The following CCL25 variants were observed in gnomAD, a reference collection of about 807,000 sequenced individuals.
The protein encoded by CCL25 is C-C motif chemokine 25.
A neutral mutation model predicts 19.9 loss-of-function variants in CCL25; 14 were observed. The ratio of observed to expected loss-of-function variants is 0.70; its 90% CI spans 0.47 to 1.10. CCL25 has a LOEUF of 1.10. CCL25 is among the 50% of genes least tolerant of loss of function. The pLI, the probability that CCL25 is intolerant of heterozygous loss-of-function variation, is 0.00. For missense variants in CCL25, 151 were observed against 181.2 expected (o/e 0.83, Z 0.96); for synonymous variants, 68 against 73.2 (o/e 0.93, Z 0.36).
chr19:8,058,808 G>A (rs1396171641), intron 5 of CCL25, among the ~76,000 whole-genome samples: 9 of 139,586 alleles, frequency 6.4e-5, no homozygotes, highest in African/African-American at 1.8e-4. Context: ...ACAGGCGCCC[G>A]CCACCACGCT....
intron 2 of CCL25, among the ~76,000 whole-genome samples, chr19:8,054,682 C>T (rs2081256547): frequency 1.3e-5 from 2 of 151,934 alleles, no homozygotes; most frequent in Admixed American, 1.3e-4. Flanking sequence ...TGGGCACCCC[C>T]CACAGTGCCT....
At position 8,056,485 on chromosome 19, in the gene CCL25, C is replaced by T. The variant is rs1129763; in HGVS notation, c.311C>T (p.Thr104Met). 218,114 of 1,613,896 alleles carry T rather than the reference C, an allele frequency of 0.14. 15,703 individuals are homozygous for T. Among genetic ancestry groups the T allele is most frequent in the Non-Finnish European group, 0.14 (170,832 of 1,179,904 alleles). ...GTTTTTGCAAAGCTCCACCACAACA[C>T]GCAGACCTTCCAAGGTGGGCAAGAC... is the stretch of plus-strand genomic sequence containing the variant. ...NKVFAKLHHN[T>M]QTFQAGPHAV... is the part of the protein sequence containing the mutation. Residue 104 changes from threonine (T) to methionine (M), a missense_variant, in exon 4 of 6, where the codon ACG (threonine) becomes ATG (methionine). Thr to Met is a moderately conservative substitution (Grantham distance 81). Transcript: ENST00000315626.
At chr19:8,059,656 T>C (rs1283010116) in intron 5 of CCL25, among the ~76,000 whole-genome samples, 1 of 152,144 alleles carries the variant, frequency 6.6e-6, no homozygotes, top group Non-Finnish European at 1.5e-5. Flanking sequence ...GTTGGATCAT[T>C]CGATAGAACA....
chr19:8,053,188 G>A, intron 2 of CCL25, 66 bp downstream of exon 2: 2 of 1,008,254 alleles, frequency 2.0e-6, no homozygotes, highest in South Asian at 1.7e-5. Flanking sequence ...CACCCCTTTT[G>A]TCTCTTATCT....
chr19:8,054,203 G>A (rs1460875618), intron 2 of CCL25, among the ~76,000 whole-genome samples: 1 of 152,212 alleles, frequency 6.6e-6, no homozygotes, highest in East Asian at 1.9e-4. Flanking sequence ...CTCCTTCCCT[G>A]TCTGCCCCCA....
chr19:8,060,957 G>A (rs909792725), intron 5 of CCL25, among the ~76,000 whole-genome samples: 2 of 150,776 alleles, frequency 1.3e-5, no homozygotes, highest in African/African-American at 2.4e-5. Flanking sequence ...TGGGATTACA[G>A]GTGTGAGCCA....
At chr19:8,053,971 G>A (rs1247295908) in intron 2 of CCL25, among the ~76,000 whole-genome samples, 2 of 152,194 alleles carry the variant, frequency 1.3e-5, no homozygotes, top group Non-Finnish European at 2.9e-5. Context: ...CCTCATGTCT[G>A]GCGGCGGCAA....
At chr19:8,056,098 C>T in intron 2 of CCL25, 54 bp from the exon 3 acceptor site, 1 of 1,248,610 alleles carries the variant, frequency 8.0e-7, no homozygotes, top group Non-Finnish European at 1.1e-6. Flanking sequence ...TGTGGCTGGC[C>T]CTGCCAAGTT....
intron 4 of CCL25, among the ~76,000 whole-genome samples, chr19:8,057,139 G>C (rs944223854): frequency 2.2e-5 from 2 of 91,860 alleles, no homozygotes; most frequent in Admixed American, 2.5e-4. Context: ...TCCCGCCTCA[G>C]CCCCCTAAGT....
At chr19:8,056,545 C>T (rs750049368) in intron 4 of CCL25, 46 bp downstream of exon 4, 5 of 1,608,106 alleles carry the variant, frequency 3.1e-6, no homozygotes, top group Non-Finnish European at 4.3e-6. Flanking sequence ...GCCCTCCCTG[C>T]CTGCAAGCCC....
intron 2 of CCL25, 59 bp downstream of exon 2, chr19:8,053,181 C>G (rs1422315765): frequency 5.4e-6 from 6 of 1,108,094 alleles, no homozygotes; most frequent in Non-Finnish European, 7.7e-6. Context: ...CCCACCCCAC[C>G]CCTTTTGTCT....
chr19:8,057,794 T>A lies in CCL25; in HGVS notation c.326-7T>A, dbSNP rs1316112833. ...GCTCTTGCTTATTTCTCTCTCCATT[T>A]CTCCAGCAGGCCCTCATGCTGTAAA... On this transcript the variant is annotated splice_polypyrimidine_tract_variant and splice_region_variant and intron_variant, in intron 4 of 5. Coordinates refer to ENST00000315626, the MANE Select transcript of CCL25 (RefSeq NM_005624.4). The A allele has an allele frequency of 3.1e-6, 5 of 1,610,996 alleles. No individual in the cohort carries two copies. The highest frequency in any genetic ancestry group is 3.3e-4 in the Middle Eastern group (2 of 6,042).
chr19:8,062,540 T>C lies in CCL25; in HGVS notation c.*315T>C, dbSNP rs1482370994. The C allele has an allele frequency of 4.9e-6, 2 of 406,890 alleles. No individual in the cohort carries two copies. The highest frequency in any genetic ancestry group is 3.7e-5 in the South Asian group (1 of 27,136). The allele number at this position is 406,890 out of a possible 1,614,324, so 25.2% of individuals were successfully genotyped here. ...GTTTCTTGCCGTCCACCCCGGGCCA[T>C]GCCAGTGTGTCCCTCTGGGTCCCTC... On this transcript the variant is annotated 3_prime_UTR_variant, in exon 6 of 6. Coordinates refer to ENST00000315626, the MANE Select transcript of CCL25 (RefSeq NM_005624.4).
chr19:8,053,741 G>A (rs2081249394), intron 2 of CCL25, among the ~76,000 whole-genome samples: 2 of 151,790 alleles, frequency 1.3e-5, no homozygotes, highest in Admixed American at 6.6e-5. Context: ...TAGAGATGGG[G>A]TTTCACTATG....
At chr19:8,060,981 A>ACTT in intron 5 of CCL25, among the ~76,000 whole-genome samples, 1 of 85,600 alleles carries the variant, frequency 1.2e-5, no homozygotes, top group Non-Finnish European at 2.5e-5. Context: ...TGCCCGGCCT[A>ACTT]ATTTTTTTTT....
chr19:8,053,333 A>T lies in CCL25; in HGVS notation c.73+211A>T, dbSNP rs543155153. Among the ~76,000 whole-genome samples, 402 of 152,162 alleles carry T rather than the reference A, an allele frequency of 2.6e-3. 1 individual carries two copies. Among genetic ancestry groups the T allele is most frequent in the African/African-American group, 9.3e-3 (387 of 41,500 alleles). On this transcript the variant is annotated intron_variant, in intron 2 of 5. Transcript: ENST00000315626. ...CCCCAGTTCCTTCTTCGAGAGCCCC[A>T]TGGAGTCTTTTGCAAGACTCCTAAA...
chr19:8,058,627 A>T (rs1351863481), intron 5 of CCL25, among the ~76,000 whole-genome samples: 1 of 133,098 alleles, frequency 7.5e-6, no homozygotes, highest in African/African-American at 2.8e-5. Flanking sequence ...TATATAATGT[A>T]TAAATAATAT....
intron 4 of CCL25, among the ~76,000 whole-genome samples, chr19:8,056,957 C>G (rs2081276784): frequency 6.6e-6 from 1 of 152,140 alleles, no homozygotes; most frequent in African/African-American, 2.4e-5. Context: ...ATCCTCCTAC[C>G]TCAGCCTCCT....
chr19:8,052,752 T>C, upstream of CCL25: 1 of 387,132 alleles, frequency 2.6e-6, no homozygotes, highest in Non-Finnish European at 4.6e-6. Context: ...GCTCAGCGTG[T>C]TGGTCCTGCA....
Sources: allele counts gnomAD v4.1 joint callset (sites outside exome capture counted in the v4.1 genomes callset), GRCh38; gene constraint gnomAD v4.1.1; transcripts MANE v1.5; gene names NCBI Gene and HGNC (gene_info 2026-07-23, HGNC 2026-07-21).